PTPRT: variants seen among roughly 807,000 people sequenced by gnomAD.
The protein encoded by PTPRT is protein tyrosine phosphatase receptor type T, also known as receptor-type tyrosine-protein phosphatase T.
PTPRT carries 56 observed loss-of-function variants against 176.8 expected under a neutral mutation model. The ratio of observed to expected loss-of-function variants is 0.32; its 90% CI spans 0.26 to 0.40. The LOEUF (loss-of-function observed/expected upper bound fraction) is 0.40, where lower values mean the gene tolerates loss of function less well. Among genes scored for constraint, PTPRT ranks in the 10% least tolerant of loss-of-function variants. The pLI, the probability that PTPRT is intolerant of heterozygous loss-of-function variation, is 1.00. For missense variants in PTPRT, 1,540 were observed against 1,908.2 expected (o/e 0.81, Z 3.60); for synonymous variants, 783 against 739.0 (o/e 1.06, Z -0.96).
intron 2 of PTPRT, among the ~76,000 whole-genome samples, chr20:42,802,184 C>T (rs1443440617): frequency 6.6e-6 from 1 of 152,224 alleles, no homozygotes; most frequent in African/African-American, 2.4e-5. Context: ...CTAAGTGATG[C>T]TGATGGGACT....
At chr20:42,364,312 T>G (rs577022894) in intron 9 of PTPRT, among the ~76,000 whole-genome samples, 2 of 152,288 alleles carry the variant, frequency 1.3e-5, no homozygotes, top group African/African-American at 4.8e-5. Context: ...ATTTTTCTCA[T>G]GAAATTAAAA....
chr20:42,210,799 A>C (rs575237643), intron 15 of PTPRT, among the ~76,000 whole-genome samples: 1 of 152,358 alleles, frequency 6.6e-6, no homozygotes, highest in South Asian at 2.1e-4. Context: ...AAACTACTTT[A>C]AAATTCATAT....
intron 15 of PTPRT, among the ~76,000 whole-genome samples, chr20:42,205,363 A>C (rs1246884211): frequency 6.6e-6 from 1 of 152,192 alleles, no homozygotes; most frequent in Non-Finnish European, 1.5e-5. Context: ...TTGTTGGACA[A>C]ATAGTTAATG....
At chr20:43,069,257 C>T (rs1041393296) in intron 1 of PTPRT, among the ~76,000 whole-genome samples, 5 of 152,164 alleles carry the variant, frequency 3.3e-5, no homozygotes, top group African/African-American at 7.2e-5. Flanking sequence ...CCTCGGTTAA[C>T]GCGCGCATCC....
chr20:42,621,167 C>T (rs1358107756), intron 7 of PTPRT, among the ~76,000 whole-genome samples: 1 of 152,152 alleles, frequency 6.6e-6, no homozygotes, highest in Non-Finnish European at 1.5e-5. Context: ...TTTCTTTCCC[C>T]CTCTGCCCTG....
chr20:42,161,216 G>C, intron 17 of PTPRT, 136 bp downstream of exon 17: 1 of 921,732 alleles, frequency 1.1e-6, no homozygotes, highest in Non-Finnish European at 1.7e-6. Flanking sequence ...TGGGGCCTGA[G>C]ATGTTGCATT....
chr20:42,496,609 T>C (rs961200426), intron 7 of PTPRT, among the ~76,000 whole-genome samples: 3 of 151,848 alleles, frequency 2.0e-5, no homozygotes, highest in Non-Finnish European at 4.4e-5. Context: ...TTCTCCAAGA[T>C]CTGTATCTTG....
chr20:42,468,731 G>A (rs1265097389), intron 8 of PTPRT, among the ~76,000 whole-genome samples: 1 of 152,154 alleles, frequency 6.6e-6, no homozygotes, highest in African/African-American at 2.4e-5. Context: ...GCAGCTCAAG[G>A]TGGGCAAAGA....
At chr20:42,820,976 C>T (rs1410581443) in intron 2 of PTPRT, among the ~76,000 whole-genome samples, 1 of 152,138 alleles carries the variant, frequency 6.6e-6, no homozygotes, top group Non-Finnish European at 1.5e-5. Flanking sequence ...CTGAACTCTA[C>T]CTGAAATGCA....
chr20:42,472,711 A>T, intron 7 of PTPRT, 149 bp from the exon 8 acceptor site: 1 of 775,598 alleles, frequency 1.3e-6, no homozygotes, highest in South Asian at 1.9e-5. Context: ...CAGGCAATAT[A>T]ATTTAGAGAA....
At chr20:43,003,809 T>A (rs1019632299) in intron 1 of PTPRT, among the ~76,000 whole-genome samples, 3 of 152,132 alleles carry the variant, frequency 2.0e-5, no homozygotes, top group Non-Finnish European at 2.9e-5. Flanking sequence ...TGGTTTTAGA[T>A]CTAAAGAGGA....
In PTPRT at chr20:42,742,757, T is replaced by G. The variant is rs150467382; in HGVS notation, c.859+13705A>C. Among the ~76,000 whole-genome samples the G allele has an allele frequency of 4.5e-3, 685 of 152,314 alleles. 6 individuals are homozygous for G. The highest frequency in any genetic ancestry group is 0.016 in the African/African-American group (664 of 41,562). On this transcript the variant is annotated intron_variant, in intron 6 of 30. Coordinates refer to ENST00000373187, the MANE Select transcript of PTPRT (RefSeq NM_007050.6). ...TGAAGCAGGTCCCACACTCTGCGATTTCCACACTTTATTTCACTGATCCTC... is the reference window on the plus strand; with the variant it reads ...TGAAGCAGGTCCCACACTCTGCGATGTCCACACTTTATTTCACTGATCCTC...
intron 11 of PTPRT, among the ~76,000 whole-genome samples, chr20:42,324,861 G>A (rs1600837135): frequency 6.6e-6 from 1 of 152,154 alleles, no homozygotes; most frequent in South Asian, 2.1e-4. Flanking sequence ...TCGCAGAGGA[G>A]ACAAGAAAAT....
chr20:42,159,271 A>T (rs1263454527), intron 17 of PTPRT, among the ~76,000 whole-genome samples: 1 of 148,710 alleles, frequency 6.7e-6, no homozygotes, highest in African/African-American at 2.5e-5. Flanking sequence ...CTTTTGGGAG[A>T]TATGCCACCT....
intron 17 of PTPRT, among the ~76,000 whole-genome samples, chr20:42,154,076 T>G (rs1989247902): frequency 6.6e-6 from 1 of 152,084 alleles, no homozygotes; most frequent in Non-Finnish European, 1.5e-5. Context: ...CCTGTTTTGG[T>G]CATTATGAGT....
chr20:42,130,654 A>T (rs1988081680), intron 18 of PTPRT, among the ~76,000 whole-genome samples: 1 of 152,178 alleles, frequency 6.6e-6, no homozygotes, highest in Non-Finnish European at 1.5e-5. Context: ...CCATTCATTT[A>T]AGAATCATTC....
intron 2 of PTPRT, among the ~76,000 whole-genome samples, chr20:42,883,846 A>ACACCC (rs1568658753): frequency 1.3e-4 from 1 of 7,730 alleles, no homozygotes. Flanking sequence ...CCATACACAT[A>ACACCC]GACACACACC....
At position 43,021,568 on chromosome 20, in the gene PTPRT, G is replaced by A. The variant is rs559139595; in HGVS notation, c.89-135636C>T. Among the ~76,000 whole-genome samples the A allele has an allele frequency of 3.9e-5, 6 of 152,216 alleles. No homozygotes were observed. In the South Asian group the frequency reaches 1.2e-3, roughly 32 times the overall value. On this transcript the variant is annotated intron_variant, in intron 1 of 30. Transcript: ENST00000373187. The stretch of plus-strand genomic sequence containing the variant: ...GGTCTGTTCTGCCTGGGCCCCAGAT[G>A]TGAGATGGCTGAATGGGGGCTGGGC...
intron 7 of PTPRT, among the ~76,000 whole-genome samples, chr20:42,571,202 A>C (rs186363881): frequency 6.6e-6 from 1 of 152,388 alleles, no homozygotes; most frequent in East Asian, 1.9e-4. Context: ...TGAACAAATA[A>C]GATGACAGGG....
Sources: gnomAD v4.1 joint callset for allele counts (sites outside exome capture counted in the v4.1 genomes callset) on GRCh38, gnomAD v4.1.1 for gene constraint, MANE v1.5 for transcripts, NCBI Gene and HGNC (gene_info 2026-07-23, HGNC 2026-07-21) for gene names.